The following EYS variants were observed in gnomAD, a reference collection of about 807,000 sequenced individuals.
The protein encoded by EYS is protein eyes shut homolog.
In EYS, 250 loss-of-function variants were observed where a neutral mutation model predicts 282.1. The observed-to-expected ratio is 0.89, with a 90% CI of 0.80 to 0.98. The LOEUF (loss-of-function observed/expected upper bound fraction) is 0.98. Ranked by LOEUF, EYS falls within the 50% of genes least tolerant of loss-of-function variation. The pLI, the probability that EYS is intolerant of heterozygous loss-of-function variation, is 0.00. For missense variants in EYS, 4,016 were observed against 3,709.0 expected, an observed-to-expected ratio of 1.08 and a Z score of -2.15; for synonymous variants, 1,355 against 1,282.9, an observed-to-expected ratio of 1.06 and a Z score of -1.20.
At chr6:65,443,367 T>C (rs142521639) in intron 5 of EYS, among the ~76,000 whole-genome samples, 1,578 of 142,428 alleles carry the variant, frequency 0.011, 75 homozygotes, top group African/African-American at 0.036. Context: ...TGCATACATG[T>C]ATGTACACAT....
intron 22 of EYS, among the ~76,000 whole-genome samples, chr6:64,680,824 T>A (rs1416876584): frequency 1.3e-5 from 2 of 152,062 alleles, no homozygotes; most frequent in Middle Eastern, 3.2e-3. Context: ...ACTCAGAGAT[T>A]TTGCCCCGGG....
chr6:65,156,434 C>A (rs536884663), intron 12 of EYS, among the ~76,000 whole-genome samples: 1 of 151,286 alleles, frequency 6.6e-6, no homozygotes, highest in East Asian at 2.0e-4. Flanking sequence ...ATTTTCTGGA[C>A]TTCCTCTTTC....
chr6:65,324,299 T>A (rs180733521), intron 11 of EYS, among the ~76,000 whole-genome samples: 334 of 152,302 alleles, frequency 2.2e-3, no homozygotes, highest in Non-Finnish European at 3.9e-3. Context: ...GGGACTTTGT[T>A]TTATTTGTTG....
chr6:65,248,023 A>T (rs1226450289), intron 12 of EYS, among the ~76,000 whole-genome samples: 1 of 151,990 alleles, frequency 6.6e-6, no homozygotes, highest in Non-Finnish European at 1.5e-5. Context: ...TTTCCCCTAC[A>T]ATTTACTCTA....
chr6:63,833,998 G>C (rs1438491049), intron 36 of EYS, among the ~76,000 whole-genome samples: 1 of 152,186 alleles, frequency 6.6e-6, no homozygotes, highest in African/African-American at 2.4e-5. Context: ...GGGAAAACTG[G>C]CTAGCCATAT....
intron 2 of EYS, among the ~76,000 whole-genome samples, chr6:65,572,069 C>T (rs1764496597): frequency 6.6e-6 from 1 of 151,896 alleles, no homozygotes; most frequent in African/African-American, 2.4e-5. Flanking sequence ...ACATGAAAAG[C>T]TATGCTTGTA....
chr6:64,025,383 A>G (rs1769445586), intron 33 of EYS, among the ~76,000 whole-genome samples: 2 of 152,152 alleles, frequency 1.3e-5, no homozygotes, highest in Non-Finnish European at 2.9e-5. Flanking sequence ...TCTCAAATGC[A>G]TGTCGCCCAA....
At chr6:64,438,758 G>A (rs560096367) in intron 27 of EYS, among the ~76,000 whole-genome samples, 4 of 151,476 alleles carry the variant, frequency 2.6e-5, no homozygotes, top group African/African-American at 9.7e-5. Context: ...ATTTTTCTCC[G>A]TATAGTATAT....
chr6:65,279,582 A>C (rs147568346), intron 12 of EYS, among the ~76,000 whole-genome samples: 3 of 152,128 alleles, frequency 2.0e-5, no homozygotes, highest in African/African-American at 7.2e-5. Context: ...CCATTCCCCC[A>C]AAATAGTTGC....
At chr6:63,761,527 TTGATAAAG>T (rs1180178229) in intron 41 of EYS, among the ~76,000 whole-genome samples, 13 of 152,108 alleles carry the variant, frequency 8.5e-5, no homozygotes, top group African/African-American at 3.1e-4. Context: ...ATTAATATAT[TTGATAAAG>T]TGATCTAGAA....
At chr6:64,675,430 T>TTTTC (rs1554191938) in intron 22 of EYS, among the ~76,000 whole-genome samples, 5 of 138,900 alleles carry the variant, frequency 3.6e-5, no homozygotes, top group African/African-American at 1.4e-4. Context: ...TTTTTTTTCT[T>TTTTC]TTTTTTTTTT....
chr6:64,166,547 G>T (rs1036459742), intron 31 of EYS, among the ~76,000 whole-genome samples: 2 of 152,162 alleles, frequency 1.3e-5, no homozygotes, highest in African/African-American at 4.8e-5. Flanking sequence ...TGTAGCTGGG[G>T]CCTGTCCAGG....
intron 28 of EYS, among the ~76,000 whole-genome samples, chr6:64,391,659 C>T (rs4601108): frequency 1.7e-3 from 257 of 152,184 alleles, no homozygotes; most frequent in Admixed American, 4.6e-3. Context: ...CCGTACCAGC[C>T]GCTGCAAAAT....
chr6:64,237,480 A>G (rs1175280692), intron 30 of EYS, among the ~76,000 whole-genome samples: 1 of 152,214 alleles, frequency 6.6e-6, no homozygotes, highest in Non-Finnish European at 1.5e-5. Flanking sequence ...AATAACTTGT[A>G]TCATCTCTTG....
intron 26 of EYS, among the ~76,000 whole-genome samples, chr6:64,555,096 T>C (rs138251410): frequency 2.6e-3 from 393 of 151,890 alleles, no homozygotes; most frequent in East Asian, 0.011. Flanking sequence ...CTACTCACAA[T>C]AGACAAGATA....
chr6:65,138,804 TAC>T (rs950984442), intron 12 of EYS, among the ~76,000 whole-genome samples: 3 of 151,968 alleles, frequency 2.0e-5, no homozygotes, highest in African/African-American at 4.8e-5. Context: ...CATGAAAAAT[TAC>T]ATTCATGAGG....
chr6:63,921,400 T>C lies in EYS; in HGVS notation c.7056-57042A>G, dbSNP rs948664746. Among the ~76,000 whole-genome samples the C allele has an allele frequency of 7.2e-5, 11 of 152,380 alleles. No individual in the cohort carries two copies. In the South Asian group the frequency reaches 1.7e-3, roughly 23 times the overall value. On this transcript the variant is annotated intron_variant, in intron 35 of 42. Coordinates refer to ENST00000503581, the MANE Select transcript of EYS (RefSeq NM_001142800.2). ...ACTCCCCGTTCTACTAGCTGCTCTTTATGATTTTGCATTTCTGCATGTCAT... is the reference window on the plus strand; with the variant it reads ...ACTCCCCGTTCTACTAGCTGCTCTTCATGATTTTGCATTTCTGCATGTCAT...
intron 14 of EYS, among the ~76,000 whole-genome samples, chr6:64,996,457 T>C (rs1771267572): frequency 6.6e-6 from 1 of 152,144 alleles, no homozygotes; most frequent in Admixed American, 6.5e-5. Flanking sequence ...AAATCTTTCC[T>C]CAGAAAGAAT....
At chr6:64,544,709 T>C (rs879570308) in intron 26 of EYS, among the ~76,000 whole-genome samples, 90 of 151,938 alleles carry the variant, frequency 5.9e-4, no homozygotes, top group Non-Finnish European at 6.0e-4. Context: ...ATCCCACAAA[T>C]ATACAAACTA....
Sources: gnomAD v4.1 joint callset for allele counts (sites outside exome capture counted in the v4.1 genomes callset) on GRCh38, gnomAD v4.1.1 for gene constraint, MANE v1.5 for transcripts, NCBI Gene and HGNC (gene_info 2026-07-23, HGNC 2026-07-21) for gene names.